LHFPL6: variants seen among roughly 807,000 people sequenced by gnomAD.
The protein encoded by LHFPL6 is LHFPL tetraspan subfamily member 6 protein.
A neutral mutation model predicts 20.6 loss-of-function variants in LHFPL6; 9 were observed. The ratio of observed to expected loss-of-function variants is 0.44; its 90% CI spans 0.26 to 0.76. The LOEUF is 0.76. Among genes scored for constraint, LHFPL6 ranks in the 30% least tolerant of loss-of-function variants. The pLI is 0.20. For missense variants in LHFPL6, 218 were observed against 253.5 expected (o/e 0.86, Z 0.95); for synonymous variants, 105 against 98.7 (o/e 1.06, Z -0.38).
intron 2 of LHFPL6, among the ~76,000 whole-genome samples, chr13:39,490,101 A>AC (rs1566123460): frequency 1.8e-4 from 28 of 152,296 alleles, no homozygotes; most frequent in South Asian, 4.1e-4. Flanking sequence ...CAAACAAAAA[A>AC]AAAAACAGGA....
At chr13:39,467,443 C>T (rs146120856) in intron 2 of LHFPL6, among the ~76,000 whole-genome samples, 50 of 152,214 alleles carry the variant, frequency 3.3e-4, no homozygotes, top group African/African-American at 1.1e-3. Context: ...GCAAACAATA[C>T]CCTGAAATAT....
At chr13:39,482,315 A>G (rs1202864703) in intron 2 of LHFPL6, among the ~76,000 whole-genome samples, 1 of 152,132 alleles carries the variant, frequency 6.6e-6, no homozygotes, top group Non-Finnish European at 1.5e-5. Flanking sequence ...ATGGTGGCAC[A>G]TGCCTGTAAT....
At chr13:39,367,033 G>T (rs1870030831) in intron 3 of LHFPL6, among the ~76,000 whole-genome samples, 2 of 152,216 alleles carry the variant, frequency 1.3e-5, no homozygotes, top group East Asian at 1.9e-4. Flanking sequence ...ACACACAAGA[G>T]ATCTGTGAAG....
chr13:39,464,539 C>A (rs1872755671), intron 2 of LHFPL6, among the ~76,000 whole-genome samples: 1 of 152,142 alleles, frequency 6.6e-6, no homozygotes, highest in Non-Finnish European at 1.5e-5. Context: ...TATTTTAATA[C>A]CAGTCCACTA....
chr13:39,542,852 C>A (rs1290101519), intron 2 of LHFPL6, among the ~76,000 whole-genome samples: 1 of 152,176 alleles, frequency 6.6e-6, no homozygotes. Flanking sequence ...GTGTATGTGG[C>A]AAAATATACG....
At position 39,540,224 on chromosome 13, in the gene LHFPL6, T is replaced by C. The variant is rs181620134; in HGVS notation, c.385+60608A>G. On this transcript the variant is annotated intron_variant, in intron 2 of 3. Coordinates refer to ENST00000379589, the MANE Select transcript of LHFPL6 (RefSeq NM_005780.3). The stretch of plus-strand genomic sequence containing the variant: ...AAGAGCCACAATTTTCATGATAATA[T>C]ATTTTATGGTTCAAACTAGGCAGTA... 2.2e-3 allele frequency among the ~76,000 whole-genome samples: 336 copies of C among 152,254 alleles called. 1 individual carries two copies. In the Middle Eastern group the frequency reaches 0.044, roughly 20 times the overall value.
At chr13:39,573,034 C>T (rs1871983053) in intron 2 of LHFPL6, among the ~76,000 whole-genome samples, 1 of 152,126 alleles carries the variant, frequency 6.6e-6, no homozygotes, top group Non-Finnish European at 1.5e-5. Flanking sequence ...GAAGAAACAA[C>T]CAGGATTGAA....
rs73175161 is a variant in LHFPL6, at chr13:39,493,718, G to A, written c.385+107114C>T. ...CCCACATATGAAATGCTCTATAATA[G>A]ACGCAATTTTCTGTTAGTGAATCAA... On this transcript the variant is annotated intron_variant, in intron 2 of 3. Coordinates refer to ENST00000379589, the MANE Select transcript of LHFPL6 (RefSeq NM_005780.3). 7.2e-3 allele frequency among the ~76,000 whole-genome samples: 1,095 copies of A among 152,238 alleles called. 12 individuals carry two copies. Among genetic ancestry groups the A allele is most frequent in the South Asian group, 0.011 (54 of 4,826 alleles).
chr13:39,352,116 C>T (rs1030005344), intron 3 of LHFPL6, among the ~76,000 whole-genome samples: 3 of 152,232 alleles, frequency 2.0e-5, no homozygotes, highest in African/African-American at 7.2e-5. Context: ...TGAAACCACA[C>T]TTGGCACCTT....
intron 2 of LHFPL6, among the ~76,000 whole-genome samples, chr13:39,455,655 G>A (rs1872552363): frequency 6.6e-6 from 1 of 152,132 alleles, no homozygotes; most frequent in African/African-American, 2.4e-5. Context: ...TTTCACTTGG[G>A]AACAAGGCTT....
At chr13:39,410,123 C>T (rs181192842) in intron 2 of LHFPL6, among the ~76,000 whole-genome samples, 78 of 152,308 alleles carry the variant, frequency 5.1e-4, no homozygotes, top group Non-Finnish European at 1.1e-3. Context: ...CTTCATTATA[C>T]ATCAGATTTT....
rs1873013302 is a variant in LHFPL6, at chr13:39,602,915, G to C, written c.-207C>G. ...GCGGGCGGCGGCCACCTTCCCTCCC[G>C]CGTCCCGGGCGCACACACAACTTGC... On this transcript the variant is annotated 5_prime_UTR_variant, in exon 1 of 4. Coordinates refer to ENST00000379589, the MANE Select transcript of LHFPL6 (RefSeq NM_005780.3). The C allele has an allele frequency of 6.6e-6, 1 of 152,500 alleles. No homozygotes were observed. Among genetic ancestry groups the C allele is most frequent in the Non-Finnish European group, 1.5e-5 (1 of 68,336 alleles). The allele number at this position is 152,500 out of a possible 1,614,324, so 9.4% of individuals were successfully genotyped here.
chr13:39,456,611 G>A (rs1241608847), intron 2 of LHFPL6, among the ~76,000 whole-genome samples: 1 of 152,152 alleles, frequency 6.6e-6, no homozygotes, highest in African/African-American at 2.4e-5. Flanking sequence ...GAAATTTAAT[G>A]AGAGAAGAGA....
chr13:39,352,990 A>AAT (rs1555257738), intron 3 of LHFPL6, among the ~76,000 whole-genome samples: 2,540 of 84,238 alleles, frequency 0.03, 365 homozygotes, highest in African/African-American at 0.12. Flanking sequence ...TATATATATA[A>AAT]TTTTTTTTTT....
chr13:39,394,985 C>T (rs565485920), intron 2 of LHFPL6, among the ~76,000 whole-genome samples: 29 of 152,280 alleles, frequency 1.9e-4, no homozygotes, highest in Non-Finnish European at 3.1e-4. Flanking sequence ...CTACCCTAAG[C>T]GTGAGACACC....
At chr13:39,530,929 A>G (rs532540276) in intron 2 of LHFPL6, among the ~76,000 whole-genome samples, 115 of 139,820 alleles carry the variant, frequency 8.2e-4, no homozygotes, top group African/African-American at 2.8e-3. Flanking sequence ...TTACAGAATC[A>G]AGCAGAAACT....
intron 2 of LHFPL6, among the ~76,000 whole-genome samples, chr13:39,572,645 G>A (rs1396780347): frequency 6.6e-6 from 1 of 152,060 alleles, no homozygotes; most frequent in Non-Finnish European, 1.5e-5. Flanking sequence ...ATGTGTTGGC[G>A]GTTCTGTGTC....
intron 2 of LHFPL6, among the ~76,000 whole-genome samples, chr13:39,478,151 G>A (rs1432471343): frequency 6.6e-6 from 1 of 152,132 alleles, no homozygotes; most frequent in African/African-American, 2.4e-5. Context: ...TAGAGACGAG[G>A]GGGCAGAGAA....
chr13:39,472,893 G>A lies in LHFPL6; in HGVS notation c.386-94367C>T, dbSNP rs565811164. 1.2e-4 allele frequency among the ~76,000 whole-genome samples: 19 copies of A among 152,312 alleles called. No homozygotes were observed. In the East Asian group the frequency reaches 3.5e-3, roughly 28 times the overall value. On this transcript the variant is annotated intron_variant, in intron 2 of 3. Coordinates refer to ENST00000379589, the MANE Select transcript of LHFPL6 (RefSeq NM_005780.3). ...CCCAAATTGCTGGGATTACAGGCGT[G>A]AGCCACCGTGCCCGGCCCCCTTCTT...
Sources: gnomAD v4.1 joint callset for allele counts (sites outside exome capture counted in the v4.1 genomes callset) on GRCh38, gnomAD v4.1.1 for gene constraint, MANE v1.5 for transcripts, NCBI Gene and HGNC (gene_info 2026-07-23, HGNC 2026-07-21) for gene names.